IGF2BP2: variants seen among roughly 807,000 people sequenced by gnomAD.
IGF2BP2 encodes the protein insulin like growth factor 2 mRNA binding protein 2, also known as insulin-like growth factor 2 mRNA-binding protein 2.
A neutral mutation model predicts 75.8 loss-of-function variants in IGF2BP2; 17 were observed. The ratio of observed to expected loss-of-function variants is 0.22; its 90% CI spans 0.15 to 0.34. IGF2BP2 has a LOEUF of 0.34. Ranked by LOEUF, IGF2BP2 falls within the 10% of genes least tolerant of loss-of-function variation. The pLI is 1.00. For synonymous variants in IGF2BP2, 288 were observed against 295.6 expected (o/e 0.97, Z 0.26); for missense variants, 516 against 772.4 (o/e 0.67, Z 3.93).
At chr3:185,817,421 T>C (rs569881860) in intron 2 of IGF2BP2, among the ~76,000 whole-genome samples, 8 of 152,342 alleles carry the variant, frequency 5.3e-5, no homozygotes, top group South Asian at 2.1e-4. Context: ...AAATAATTAT[T>C]GTATTCCTTC....
intron 2 of IGF2BP2, chr3:185,722,490 T>C (rs939786025): frequency 1.7e-5 from 5 of 292,654 alleles, no homozygotes; most frequent in East Asian, 1.4e-4. Context: ...TTTTCAATTT[T>C]ATGTCATTTT....
chr3:185,765,637 G>A (rs894136161), intron 2 of IGF2BP2, among the ~76,000 whole-genome samples: 4 of 152,208 alleles, frequency 2.6e-5, no homozygotes, highest in African/African-American at 9.7e-5. Flanking sequence ...TGAAAGGCAC[G>A]CAGAAGTGCT....
At chr3:185,729,664 T>G (rs1167542130) in intron 2 of IGF2BP2, 1 of 152,248 alleles carries the variant, frequency 6.6e-6, no homozygotes, top group Admixed American at 6.5e-5. Flanking sequence ...AACGTTCATA[T>G]GCTTTCAGAT....
chr3:185,811,648 A>C (rs978366316), intron 2 of IGF2BP2, among the ~76,000 whole-genome samples: 2 of 152,184 alleles, frequency 1.3e-5, no homozygotes, highest in Non-Finnish European at 2.9e-5. Context: ...TCCCTCCTGC[A>C]CTATCCAGAA....
At chr3:185,811,535 A>T (rs921282687) in intron 2 of IGF2BP2, among the ~76,000 whole-genome samples, 3 of 152,224 alleles carry the variant, frequency 2.0e-5, no homozygotes, top group African/African-American at 7.2e-5. Context: ...CAGATATTTA[A>T]CATAAGAACT....
At chr3:185,761,734 G>A (rs1346825647) in intron 2 of IGF2BP2, among the ~76,000 whole-genome samples, 1 of 152,150 alleles carries the variant, frequency 6.6e-6, no homozygotes. Context: ...TTGTTTATAT[G>A]TTCCAACCCT....
chr3:185,659,461 C>T (rs1296121747), intron 10 of IGF2BP2, among the ~76,000 whole-genome samples: 1 of 152,086 alleles, frequency 6.6e-6, no homozygotes, highest in Non-Finnish European at 1.5e-5. Flanking sequence ...GCAACCTCCG[C>T]CCCCGCAGGT....
chr3:185,808,380 T>C (rs1012463476), intron 2 of IGF2BP2, among the ~76,000 whole-genome samples: 2 of 151,906 alleles, frequency 1.3e-5, no homozygotes, highest in South Asian at 2.1e-4. Context: ...CCAGGGAGGC[T>C]GATGCAGGAG....
At chr3:185,787,295 T>TTA (rs1309651598) in intron 2 of IGF2BP2, among the ~76,000 whole-genome samples, 1 of 152,116 alleles carries the variant, frequency 6.6e-6, no homozygotes, top group Non-Finnish European at 1.5e-5. Context: ...AAAGGCGATG[T>TTA]TATATGTATT....
chr3:185,677,019 G>A lies in IGF2BP2; in HGVS notation c.813-1106C>T, dbSNP rs1344823442. Among the ~76,000 whole-genome samples, 96 of 63,176 alleles carry A rather than the reference G, an allele frequency of 1.5e-3. 2 individuals carry two copies. Among genetic ancestry groups the A allele is most frequent in the Non-Finnish European group, 2.2e-3 (75 of 34,500 alleles). The allele number at this position is 63,176 out of a possible 152,430, so 41.4% of individuals were successfully genotyped here. A position where few individuals can be genotyped will look rare whatever the true frequency, so the allele number is the denominator to read the frequency against. The stretch of plus-strand genomic sequence containing the variant: ...ATATATATGGAGAGATTATATATAT[G>A]GAGAGAGATATATATATATATGGAG... On this transcript the variant is annotated intron_variant, in intron 7 of 15. Transcript: ENST00000382199.
intron 2 of IGF2BP2, among the ~76,000 whole-genome samples, chr3:185,731,961 G>A (rs945440330): frequency 2.0e-5 from 3 of 151,704 alleles, no homozygotes; most frequent in African/African-American, 4.8e-5. Flanking sequence ...CAGCCTGGGC[G>A]ACAGAGCGAG....
chr3:185,760,823 A>G (rs1370162780), intron 2 of IGF2BP2, among the ~76,000 whole-genome samples: 1 of 152,178 alleles, frequency 6.6e-6, no homozygotes, highest in East Asian at 1.9e-4. Context: ...GCTGTTAGAG[A>G]GTTCAGGCTT....
chr3:185,788,710 CTTTTTTTTTTTTTTTT>C (rs1158869748), intron 2 of IGF2BP2, among the ~76,000 whole-genome samples: 4 of 100,222 alleles, frequency 4.0e-5, no homozygotes, highest in African/African-American at 1.6e-4. Context: ...TGACAAACGA[CTTTTTTTTTTTTTTTT>C]TTTTTTTTTT....
At chr3:185,719,859 A>C (rs1726240929) in intron 2 of IGF2BP2, among the ~76,000 whole-genome samples, 1 of 152,078 alleles carries the variant, frequency 6.6e-6, no homozygotes, top group African/African-American at 2.4e-5. Flanking sequence ...GAAGGAAAGG[A>C]AGGAAAGGAA....
intron 2 of IGF2BP2, among the ~76,000 whole-genome samples, chr3:185,705,417 AGAACTGCAGTTAT>A (rs1475450290): frequency 6.6e-6 from 1 of 152,192 alleles, no homozygotes; most frequent in Admixed American, 6.5e-5. Context: ...TTGAGCCAGG[AGAACTGCAGTTAT>A]GAACCCAGTA....
intron 2 of IGF2BP2, among the ~76,000 whole-genome samples, chr3:185,770,535 G>GA (rs1733738381): frequency 6.6e-6 from 1 of 152,230 alleles, no homozygotes; most frequent in South Asian, 2.1e-4. Context: ...AAAAGACTGA[G>GA]AAGTTAAATG....
At chr3:185,651,087 T>A (rs1714522408) in intron 13 of IGF2BP2, among the ~76,000 whole-genome samples, 1 of 152,034 alleles carries the variant, frequency 6.6e-6, no homozygotes, top group Admixed American at 6.6e-5. Context: ...TTAAAATTTT[T>A]TTTGTAGAGA....
chr3:185,794,092 A>G (rs1457526823), intron 2 of IGF2BP2, among the ~76,000 whole-genome samples: 1 of 151,328 alleles, frequency 6.6e-6, no homozygotes, highest in East Asian at 1.9e-4. Flanking sequence ...CAAGCAGCTG[A>G]GACTACAGGT....
At chr3:185,716,387 T>C (rs939907223) in intron 2 of IGF2BP2, 1 of 451,020 alleles carries the variant, frequency 2.2e-6, no homozygotes, top group African/African-American at 2.0e-5. Context: ...AAATATGCTC[T>C]GTGTTAAAAC....
Sources: gnomAD v4.1 joint callset for allele counts (sites outside exome capture counted in the v4.1 genomes callset) on GRCh38, gnomAD v4.1.1 for gene constraint, MANE v1.5 for transcripts, NCBI Gene and HGNC (gene_info 2026-07-23, HGNC 2026-07-21) for gene names.